Variants in DYNC1I1 observed in about 807,000 individuals in gnomAD.
DYNC1I1 encodes dynein cytoplasmic 1 intermediate chain 1.
DYNC1I1 carries 43 observed loss-of-function variants against 86.6 expected under a neutral mutation model. The observed-to-expected ratio is 0.50, with a 90% CI of 0.39 to 0.64. DYNC1I1 has a LOEUF of 0.64. DYNC1I1 is among the 30% of genes least tolerant of loss of function. DYNC1I1 has a pLI of 0.00. For missense variants in DYNC1I1, 604 were observed against 788.8 expected (o/e 0.77, Z 2.81); for synonymous variants, 262 against 283.7 (o/e 0.92, Z 0.77).
intron 14 of DYNC1I1, among the ~76,000 whole-genome samples, chr7:96,050,041 A>AAC (rs1554439365): frequency 1.1e-4 from 17 of 151,946 alleles, no homozygotes; most frequent in African/African-American, 4.1e-4. Context: ...AAACAAACAA[A>AAC]AAAAAAAACA....
intron 14 of DYNC1I1, among the ~76,000 whole-genome samples, chr7:96,057,156 G>A (rs1420009288): frequency 2.0e-5 from 3 of 152,174 alleles, no homozygotes; most frequent in South Asian, 2.1e-4. Flanking sequence ...AAACAAGGTG[G>A]CCTTAATTTG....
At chr7:95,839,766 C>T (rs965238423) in intron 5 of DYNC1I1, among the ~76,000 whole-genome samples, 2 of 152,008 alleles carry the variant, frequency 1.3e-5, no homozygotes, top group African/African-American at 4.8e-5. Context: ...TGATGGTAAC[C>T]TCTCTTAGCT....
intron 16 of DYNC1I1, among the ~76,000 whole-genome samples, chr7:96,084,624 T>C (rs1790625760): frequency 2.0e-5 from 3 of 152,090 alleles, no homozygotes; most frequent in Admixed American, 2.0e-4. Context: ...GATTTCGCCA[T>C]GTTGGCCAGG....
intron 6 of DYNC1I1, among the ~76,000 whole-genome samples, chr7:95,886,111 C>A (rs2015416531): frequency 6.6e-6 from 1 of 152,254 alleles, no homozygotes; most frequent in Non-Finnish European, 1.5e-5. Flanking sequence ...CTATGCTAAA[C>A]AAATTGTATT....
At chr7:96,046,834 G>A (rs565922681) in intron 14 of DYNC1I1, among the ~76,000 whole-genome samples, 1 of 152,262 alleles carries the variant, frequency 6.6e-6, no homozygotes, top group South Asian at 2.1e-4. Flanking sequence ...GACTGAGACA[G>A]GACATGCAAG....
chr7:95,965,452 T>A (rs1220903445), intron 6 of DYNC1I1, among the ~76,000 whole-genome samples: 1 of 152,178 alleles, frequency 6.6e-6, no homozygotes, highest in Non-Finnish European at 1.5e-5. Context: ...TATAACCTCT[T>A]TGAGCCTCAA....
chr7:95,831,287 T>G (rs949506524), intron 5 of DYNC1I1, among the ~76,000 whole-genome samples: 2 of 152,214 alleles, frequency 1.3e-5, no homozygotes, highest in Non-Finnish European at 2.9e-5. Context: ...ATAATGTTGA[T>G]TTTTAAGCAA....
At chr7:95,882,747 G>A (rs1242519217) in intron 6 of DYNC1I1, among the ~76,000 whole-genome samples, 1 of 152,172 alleles carries the variant, frequency 6.6e-6, no homozygotes, top group African/African-American at 2.4e-5. Context: ...AATTTGAAGA[G>A]GTGGGAAAAA....
At chr7:95,901,882 G>A (rs1224962012) in intron 6 of DYNC1I1, among the ~76,000 whole-genome samples, 1 of 152,136 alleles carries the variant, frequency 6.6e-6, no homozygotes, top group African/African-American at 2.4e-5. Context: ...TGCTTTTTAG[G>A]TTTGGCCTCA....
intron 5 of DYNC1I1, among the ~76,000 whole-genome samples, chr7:95,856,762 C>T (rs1000418219): frequency 3.9e-5 from 6 of 152,002 alleles, no homozygotes; most frequent in Admixed American, 2.6e-4. Context: ...AGGTGGATCA[C>T]GAGGTCAGAA....
chr7:95,818,399 T>C, intron 4 of DYNC1I1: 1 of 517,456 alleles, frequency 1.9e-6, no homozygotes, highest in South Asian at 3.4e-5. Flanking sequence ...ATTCCCGGGA[T>C]CAAGCTATTC....
In DYNC1I1 at chr7:95,984,881, T is replaced by C. The variant is rs779358338; in HGVS notation, c.647T>C (p.Phe216Ser). The change falls in exon 8 of 17, where the codon TTT becomes TCT. Residue 216 changes from phenylalanine (F) to serine (S), a missense_variant. Physicochemically the swap from Phe to Ser is radical, Grantham distance 155. Transcript: ENST00000447467. ...QILHSEEFLI[F>S]FDRTIRVIER... ...CTTCATTCAGAGGAATTTCTCATCT[T>C]TTTTGACCGGACAATACGGGTAATT... 1 of 1,613,646 alleles carries C rather than the reference T, an allele frequency of 6.2e-7. No individual in the cohort carries two copies. The highest frequency in any genetic ancestry group is 8.5e-7 in the Non-Finnish European group (1 of 1,179,742).
At position 95,913,791 on chromosome 7, in the gene DYNC1I1, T is replaced by C. The variant is rs144577849; in HGVS notation, c.490+43793T>C. On this transcript the variant is annotated intron_variant, in intron 6 of 16. Transcript: ENST00000447467. ...ATTTTTAGTCTCTATTCACTAATAA[T>C]GCTATGGGTTTAATAATTCAGTTGT... is the stretch of plus-strand genomic sequence containing the variant. Among the ~76,000 whole-genome samples, 171 of 152,360 alleles carry C rather than the reference T, an allele frequency of 1.1e-3. 1 individual carries two copies. Among genetic ancestry groups the C allele is most frequent in the African/African-American group, 3.9e-3 (163 of 41,588 alleles).
intron 1 of DYNC1I1, among the ~76,000 whole-genome samples, chr7:95,796,455 C>T (rs79550771): frequency 5.3e-5 from 8 of 152,174 alleles, no homozygotes; most frequent in South Asian, 4.1e-4. Flanking sequence ...GGATTACAGG[C>T]GCATGCCACC....
intron 16 of DYNC1I1, among the ~76,000 whole-genome samples, 194 bp from the exon 17 acceptor site, chr7:96,097,289 T>C (rs760435117): frequency 6.6e-5 from 10 of 152,300 alleles, no homozygotes; most frequent in Admixed American, 1.3e-4. Context: ...AAGAGTGACA[T>C]GGTTCTCTTG....
intron 6 of DYNC1I1, among the ~76,000 whole-genome samples, chr7:95,925,638 A>G (rs1477866549): frequency 6.6e-6 from 1 of 152,210 alleles, no homozygotes; most frequent in Non-Finnish European, 1.5e-5. Flanking sequence ...TTTAACATCC[A>G]GCTCTCTAGA....
At chr7:96,064,349 A>G (rs1789892796) in intron 14 of DYNC1I1, among the ~76,000 whole-genome samples, 1 of 152,000 alleles carries the variant, frequency 6.6e-6, no homozygotes, top group Admixed American at 6.6e-5. Flanking sequence ...AGATACAATT[A>G]ATCAGACATT....
chr7:96,032,874 C>G (rs1584265160), intron 12 of DYNC1I1, 94 bp downstream of exon 12: 1 of 1,011,696 alleles, frequency 9.9e-7, no homozygotes, highest in Admixed American at 2.4e-5. Flanking sequence ...CCCTCACATC[C>G]TAGAGGAGCT....
chr7:95,987,066 G>A lies in DYNC1I1; in HGVS notation c.754G>A (p.Ala252Thr), dbSNP rs767955809. 12 of 1,613,676 alleles carry A rather than the reference G, an allele frequency of 7.4e-6. No individual in the cohort carries two copies. Among genetic ancestry groups the A allele is most frequent in the Non-Finnish European group, 9.3e-6 (11 of 1,179,832 alleles). The change falls in exon 9 of 17, where the codon GCT becomes ACT. Residue 252 changes from alanine to threonine, a missense_variant. Coordinates refer to ENST00000447467, the MANE Select transcript of DYNC1I1 (RefSeq NM_001135556.2). The part of the protein sequence containing the change: ...ELEEKDGDVQ[A>T]GANLSFNRQF... ...TTTAAATCCTCCTAGGGATGTTCAG[G>A]CTGGAGCCAATCTTTCTTTCAATCG...
Sources: allele counts gnomAD v4.1 joint callset (sites outside exome capture counted in the v4.1 genomes callset), GRCh38; gene constraint gnomAD v4.1.1; transcripts MANE v1.5; gene names NCBI Gene and HGNC (gene_info 2026-07-23, HGNC 2026-07-21).